Variants in CEACAM16 observed in about 807,000 individuals in gnomAD.
CEACAM16 encodes the protein CEA cell adhesion molecule 16, tectorial membrane component.
In CEACAM16, 30 loss-of-function variants were observed where a neutral mutation model predicts 39.4. The observed-to-expected ratio is 0.76, with a 90% CI of 0.57 to 1.03. CEACAM16 has a LOEUF of 1.03. CEACAM16 is among the 50% of genes least tolerant of loss of function. The probability of loss-of-function intolerance (pLI) is 0.00; values close to 1 mark genes in which losing one functional copy is unlikely to be tolerated. For missense variants in CEACAM16, 521 were observed against 585.3 expected, an observed-to-expected ratio of 0.89 and a Z score of 1.13; for synonymous variants, 262 against 264.9, an observed-to-expected ratio of 0.99 and a Z score of 0.11.
At position 44,701,582 on chromosome 19, in the gene CEACAM16, G is replaced by A; in HGVS notation, c.37+89G>A. On this transcript the variant is annotated intron_variant, in intron 2 of 6. Transcript: ENST00000587331. The surrounding 1 kb of genome is among the most constrained non-coding windows in gnomAD (Gnocchi z 4.0). Reference sequence around the variant, plus strand: ...CCCCAGTCTGAGAGAGGGAAGGTGTGAGCAGAAGTCCAGCGTGCTAGGGAG... The same window carrying A: ...CCCCAGTCTGAGAGAGGGAAGGTGTAAGCAGAAGTCCAGCGTGCTAGGGAG... 7.7e-7 allele frequency: 1 copy of A among 1,296,684 alleles called. No individual in the cohort carries two copies. Among genetic ancestry groups the A allele is most frequent in the Non-Finnish European group, 1.1e-6 (1 of 923,748 alleles). 80.3% of individuals were successfully genotyped at this position (1,296,684 alleles called of 1,614,324 possible). A position where few individuals can be genotyped will look rare whatever the true frequency, so the allele number is the denominator to read the frequency against.
chr19:44,699,163 C>T lies in CEACAM16; in HGVS notation c.-194C>T, dbSNP rs950116443. On this transcript the variant is annotated 5_prime_UTR_variant, in exon 1 of 7. Coordinates refer to ENST00000587331, the MANE Select transcript of CEACAM16 (RefSeq NM_001039213.4). ...GTCTTGTGCACGGCTGCATCCTCAG[C>T]GCCTAGAACAGCACCTGGCAAACAA... 6 of 504,708 alleles carry T rather than the reference C, an allele frequency of 1.2e-5. No homozygotes were observed. Among genetic ancestry groups the T allele is most frequent in the South Asian group, 2.9e-5 (2 of 67,968 alleles). The allele number at this position is 504,708 out of a possible 1,614,324, so 31.3% of individuals were successfully genotyped here.
In CEACAM16 at chr19:44,701,309, C is replaced by A; in HGVS notation, c.-96-52C>A. On this transcript the variant is annotated intron_variant, in intron 1 of 6. Transcript: ENST00000587331. This position sits in a 1 kb window ranked among gnomAD's most constrained non-coding sequence, Gnocchi z 4.0. Reference sequence around the variant, plus strand: ...GGCCCCAGATCCTTGGTGACTCGATCCCTCCAAATTCAGGTGATCTCCCCT... The same window carrying A: ...GGCCCCAGATCCTTGGTGACTCGATACCTCCAAATTCAGGTGATCTCCCCT... 2 of 869,096 alleles carry A rather than the reference C, an allele frequency of 2.3e-6. No individual in the cohort carries two copies. Among genetic ancestry groups the A allele is most frequent in the Non-Finnish European group, 3.8e-6 (2 of 532,230 alleles). The allele number at this position is 869,096 out of a possible 1,614,324, so 53.8% of individuals were successfully genotyped here. A position where few individuals can be genotyped will look rare whatever the true frequency, so the allele number is the denominator to read the frequency against.
chr19:44,708,001 C>T lies in CEACAM16; in HGVS notation c.1081C>T (p.Leu361=). 1.9e-6 allele frequency: 3 copies of T among 1,609,452 alleles called. No homozygotes were observed. Among genetic ancestry groups the T allele is most frequent in the Non-Finnish European group, 2.5e-6 (3 of 1,178,438 alleles). The part of the protein sequence containing the change: ...YRGPASEPNR[L]LSQLPSGTWI... Reference sequence around the variant, plus strand: ...CGGGCCTGCCTCCGAGCCCAACCGGCTGCTCAGCCAGCTGCCGTCAGGAAC... The same window carrying T: ...CGGGCCTGCCTCCGAGCCCAACCGGTTGCTCAGCCAGCTGCCGTCAGGAAC... Residue 361 remains leucine, a synonymous_variant, in exon 6 of 7, where the codon CTG becomes TTG. Transcript: ENST00000587331.
intron 3 of CEACAM16, 31 bp from the exon 4 acceptor site, chr19:44,703,987 C>A: frequency 6.5e-7 from 1 of 1,548,988 alleles, no homozygotes; most frequent in Non-Finnish European, 8.8e-7. Flanking sequence ...TGGTGTCCGG[C>A]CCCCTCCCCC....
At chr19:44,708,391 C>G (rs1049652198) in intron 6 of CEACAM16, among the ~76,000 whole-genome samples, 9 of 152,196 alleles carry the variant, frequency 5.9e-5, no homozygotes, top group African/African-American at 1.9e-4. Flanking sequence ...AACTAATGAC[C>G]TACACTGTGG....
At position 44,708,146 on chromosome 19, in the gene CEACAM16, AG is replaced by A; in HGVS notation, c.1229del (p.Gly410AlafsTer39). The A allele has an allele frequency of 6.3e-7, 1 of 1,594,104 alleles. No homozygotes were observed. The highest frequency in any genetic ancestry group is 8.6e-7 in the Non-Finnish European group (1 of 1,166,414). On this transcript the variant is annotated frameshift_variant, in exon 6 of 7. Transcript: ENST00000587331. LOFTEE classifies it high-confidence loss of function. ...GRYTLKTVTV[Q>X]GKTETLEVEL... Reference sequence around the variant, plus strand: ...TACACACTCAAGACTGTCACAGTGCAGGGCAAGACTGAGACACTGGAAGTGG... The same window carrying A: ...TACACACTCAAGACTGTCACAGTGCAGGCAAGACTGAGACACTGGAAGTGG...
intron 1 of CEACAM16, among the ~76,000 whole-genome samples, chr19:44,699,902 T>C (rs1320408897): frequency 6.6e-6 from 1 of 152,164 alleles, no homozygotes; most frequent in Non-Finnish European, 1.5e-5. Context: ...CTCGGCTCAC[T>C]GCAACCTCTA....
intron 6 of CEACAM16, among the ~76,000 whole-genome samples, chr19:44,708,781 T>A (rs1411725366): frequency 6.6e-6 from 1 of 152,250 alleles, no homozygotes; most frequent in South Asian, 2.1e-4. Context: ...TCCATTAGGA[T>A]GGAGGCCTGT....
chr19:44,700,787 C>A (rs912998570), intron 1 of CEACAM16, among the ~76,000 whole-genome samples: 1 of 152,208 alleles, frequency 6.6e-6, no homozygotes, highest in African/African-American at 2.4e-5. Context: ...AGGAAGCCAA[C>A]AAGAAGGAGA....
chr19:44,708,703 T>C (rs187910719), intron 6 of CEACAM16, among the ~76,000 whole-genome samples: 2 of 152,214 alleles, frequency 1.3e-5, no homozygotes, highest in African/African-American at 4.8e-5. Context: ...CTTTCTATTA[T>C]TGTGAGGGCA....
At chr19:44,700,346 C>A (rs1321083645) in intron 1 of CEACAM16, among the ~76,000 whole-genome samples, 1 of 152,116 alleles carries the variant, frequency 6.6e-6, no homozygotes, top group Admixed American at 6.5e-5. Flanking sequence ...CCATGTTGGT[C>A]AGGCTGGTTG....
chr19:44,707,436 C>G (rs1974466283), intron 5 of CEACAM16, among the ~76,000 whole-genome samples: 2 of 152,182 alleles, frequency 1.3e-5, no homozygotes, highest in Non-Finnish European at 2.9e-5. Context: ...GGAGCTATGG[C>G]TTACACATTC....
intron 5 of CEACAM16, among the ~76,000 whole-genome samples, chr19:44,706,297 C>CACATACAT (rs1555772264): frequency 8.0e-6 from 1 of 125,082 alleles, no homozygotes; most frequent in Admixed American, 7.8e-5. Context: ...CACACACACA[C>CACATACAT]ACACACACAC....
rs767391667 is a variant in CEACAM16 at position 44,703,369 on chromosome 19, G to A, written c.58G>A (p.Ala20Thr). 3 of 1,610,556 alleles carry A rather than the reference G, an allele frequency of 1.9e-6. No individual in the cohort carries two copies. Among genetic ancestry groups the A allele is most frequent in the East Asian group, 4.5e-5 (2 of 44,798 alleles). Residue 20 changes from alanine (A) to threonine (T), a missense_variant, in exon 3 of 7, where the codon GCC becomes ACC. Physicochemically the swap from Ala to Thr is moderately conservative, Grantham distance 58. Coordinates refer to ENST00000587331, the MANE Select transcript of CEACAM16 (RefSeq NM_001039213.4). ...LLSATFLNVG[A>T]EISITLEPAQ... ...CTCAGCCACATTCCTGAATGTGGGG[G>A]CCGAGATCTCTATCACCCTGGAGCC...
intron 2 of CEACAM16, 66 bp from the exon 3 acceptor site, chr19:44,703,283 T>G: frequency 6.9e-7 from 1 of 1,448,404 alleles, no homozygotes; most frequent in Non-Finnish European, 9.4e-7. Flanking sequence ...CTGAGTCTCT[T>G]CTTCTGTCAA....
chr19:44,710,692 G>A lies in CEACAM16; in HGVS notation c.*186G>A, dbSNP rs547345424. ...CTCGCTGAGCTGTTGGGGAGCCACC[G>A]AGGCCATAAACGTCCTGGTTAATGC... On this transcript the variant is annotated 3_prime_UTR_variant, in exon 7 of 7. Transcript: ENST00000587331. 19 of 717,716 alleles carry A rather than the reference G, an allele frequency of 2.6e-5. No homozygotes were observed. Among genetic ancestry groups the A allele is most frequent in the Admixed American group, 7.5e-5 (3 of 39,754 alleles). The allele number at this position is 717,716 out of a possible 1,614,324, so 44.5% of individuals were successfully genotyped here. A position where few individuals can be genotyped will look rare whatever the true frequency, so the allele number is the denominator to read the frequency against.
chr19:44,707,796 G>A, intron 5 of CEACAM16, 65 bp from the exon 6 acceptor site: 1 of 1,390,714 alleles, frequency 7.2e-7, no homozygotes, highest in East Asian at 2.6e-5. Context: ...GCCAGCAAGG[G>A]TTGGGAAGGG....
rs1974435171 is a variant in CEACAM16, at chr19:44,705,724, T to C, written c.796T>C (p.Phe266Leu). 1 of 1,613,886 alleles carries C rather than the reference T, an allele frequency of 6.2e-7. No homozygotes were observed. The highest frequency in any genetic ancestry group is 1.1e-5 in the South Asian group (1 of 91,086). The change falls in exon 5 of 7, where the codon TTC becomes CTC. Residue 266 changes from phenylalanine to leucine, a missense_variant. By Grantham distance (22) the Phe-to-Leu change is conservative. Transcript: ENST00000587331. Reference sequence around the variant, plus strand: ...CCCAGAGCCCGAGTATGTGTGGACCTTCAACGGGCAGGCCCTAAAGAACGG... The same window carrying C: ...CCCAGAGCCCGAGTATGTGTGGACCCTCAACGGGCAGGCCCTAAAGAACGG... ...SCPEPEYVWT[F>L]NGQALKNGQD...
In CEACAM16 at chr19:44,703,524, C is replaced by G. The variant is rs1313152154; in HGVS notation, c.213C>G (p.Ser71Arg). 1.4e-5 allele frequency: 23 copies of G among 1,613,512 alleles called. No individual in the cohort carries two copies. The highest frequency in any genetic ancestry group is 4.0e-5 in the African/African-American group (3 of 74,926). ...ACCTGGTGGCCAGCTACATCGTGAG[C>G]ACAGGCGATGAGACTCCTGGCCCGG... is the stretch of plus-strand genomic sequence containing the variant. ...VSYLVASYIV[S>R]TGDETPGPAH... Residue 71 changes from serine to arginine, a missense_variant, in exon 3 of 7, where the codon AGC (serine) becomes AGG (arginine). By Grantham distance (110) the Ser-to-Arg change is moderately radical. Coordinates refer to ENST00000587331, the MANE Select transcript of CEACAM16 (RefSeq NM_001039213.4).
Sources: allele counts gnomAD v4.1 joint callset (sites outside exome capture counted in the v4.1 genomes callset), GRCh38; gene constraint gnomAD v4.1.1; non-coding constraint Gnocchi (gnomAD v3.1); transcripts MANE v1.5; gene names NCBI Gene and HGNC (gene_info 2026-07-23, HGNC 2026-07-21).